The following DNAH11 variants were observed in gnomAD, a reference collection of about 807,000 sequenced individuals.
DNAH11 encodes the protein dynein axonemal heavy chain 11.
Under a neutral mutation model 526.0 loss-of-function variants are expected in DNAH11, and 442 were observed. That is an observed-to-expected ratio of 0.84 (90% confidence interval 0.78 to 0.91). The LOEUF (loss-of-function observed/expected upper bound fraction) is 0.91, where lower values mean the gene tolerates loss of function less well. Among genes scored for constraint, DNAH11 ranks in the 40% least tolerant of loss-of-function variants. The probability of loss-of-function intolerance (pLI) is 0.00; values close to 1 mark genes in which losing one functional copy is unlikely to be tolerated. For synonymous variants in DNAH11, 2,461 were observed against 1,935.9 expected (o/e 1.27, Z -7.12); for missense variants, 6,989 against 5,448.7 (o/e 1.28, Z -8.90).
At chr7:21,594,565 T>A (rs1178089746) in intron 14 of DNAH11, among the ~76,000 whole-genome samples, 1 of 151,790 alleles carries the variant, frequency 6.6e-6, no homozygotes, top group Non-Finnish European at 1.5e-5. Context: ...GAGGATGCAG[T>A]TTTAAGTAGG....
chr7:21,859,036 A>T (rs1471882769), intron 68 of DNAH11, among the ~76,000 whole-genome samples: 1 of 152,278 alleles, frequency 6.6e-6, no homozygotes, highest in South Asian at 2.1e-4. Flanking sequence ...TATGCACAAA[A>T]TTGTTTAAAA....
chr7:21,864,486 G>T (rs756102058), intron 69 of DNAH11, 49 bp from the exon 70 acceptor site: 4 of 1,584,326 alleles, frequency 2.5e-6, no homozygotes, highest in East Asian at 4.6e-5. Flanking sequence ...CCTGTGTGAC[G>T]ATTTTCATGT....
chr7:21,861,858 T>A lies in DNAH11; in HGVS notation c.11208T>A (p.Phe3736Leu). 2 of 1,610,962 alleles carry A rather than the reference T, an allele frequency of 1.2e-6. No homozygotes were observed. Among genetic ancestry groups the A allele is most frequent in the Non-Finnish European group, 1.7e-6 (2 of 1,178,818 alleles). The change falls in exon 69 of 82, where the codon TTT (phenylalanine) becomes TTA (leucine). Residue 3736 changes from phenylalanine (F) to leucine (L), a missense_variant. Physicochemically the swap from Phe to Leu is conservative, Grantham distance 22. Transcript: ENST00000409508. ...GGTCACATTAAATTTCCCAGGCTTTTAACGTGCTGTTCCACAGAGCGATCG... is the reference window on the plus strand; with the variant it reads ...GGTCACATTAAATTTCCCAGGCTTTAAACGTGCTGTTCCACAGAGCGATCG... ...NPLYQFSLKA[F>L]NVLFHRAIEQ...
At chr7:21,680,779 A>AT (rs2128472124) in intron 30 of DNAH11, among the ~76,000 whole-genome samples, 1 of 152,312 alleles carries the variant, frequency 6.6e-6, no homozygotes, top group South Asian at 2.1e-4. Flanking sequence ...AATTTTAAAT[A>AT]TTTTTTCAGT....
Position 21,884,107 on chromosome 7 carries a change from A to G in DNAH11, c.12388-184A>G, listed in dbSNP as rs540413951. Reference sequence around the variant, plus strand: ...GAATTTTCACTGACTATATTAGAAGACACTGAAAATAATTCTCCCAAGAAA... The same window carrying G: ...GAATTTTCACTGACTATATTAGAAGGCACTGAAAATAATTCTCCCAAGAAA... On this transcript the variant is annotated intron_variant, in intron 75 of 81. Transcript: ENST00000409508. 2.6e-5 allele frequency among the ~76,000 whole-genome samples: 4 copies of G among 152,344 alleles called. No homozygotes were observed. In the South Asian group the frequency reaches 8.3e-4, roughly 32 times the overall value.
At chr7:21,628,278 T>G (rs990478216) in intron 25 of DNAH11, among the ~76,000 whole-genome samples, 2 of 152,176 alleles carry the variant, frequency 1.3e-5, no homozygotes, top group African/African-American at 4.8e-5. Flanking sequence ...TGAATGCCTT[T>G]TATTTCTTTC....
chr7:21,678,348 G>T (rs62445274), intron 30 of DNAH11, among the ~76,000 whole-genome samples: 26,691 of 151,624 alleles, frequency 0.18, 2,677 homozygotes, highest in Non-Finnish European at 0.24. Context: ...TGTTTTTGGT[G>T]CCTATGCTGA....
At chr7:21,856,785 TAA>T (rs61539695) in intron 68 of DNAH11, among the ~76,000 whole-genome samples, 4 of 150,936 alleles carry the variant, frequency 2.7e-5, no homozygotes, top group East Asian at 1.9e-4. Flanking sequence ...ACAAATGAGT[TAA>T]AAAAAAAACC....
intron 6 of DNAH11, among the ~76,000 whole-genome samples, chr7:21,569,430 C>T (rs979029928): frequency 3.9e-5 from 6 of 152,084 alleles, no homozygotes; most frequent in African/African-American, 1.4e-4. Context: ...GTCGGTTGAT[C>T]CCATGAGAAT....
At chr7:21,595,881 GAGA>G (rs1784841534) in intron 14 of DNAH11, among the ~76,000 whole-genome samples, 1 of 151,934 alleles carries the variant, frequency 6.6e-6, no homozygotes, top group South Asian at 2.1e-4. Context: ...GGAGACCAGG[GAGA>G]AGAAGGACCA....
rs1455285040 is a variant in DNAH11, at chr7:21,588,584, G to A, written c.1921G>A (p.Val641Ile). Residue 641 changes from valine (V) to isoleucine (I), a missense_variant, in exon 11 of 82, where the codon GTT (valine) becomes ATT (isoleucine). Coordinates refer to ENST00000409508, the MANE Select transcript of DNAH11 (RefSeq NM_001277115.2). ...TSGNMKWAQQ[V>I]LQRLQMFWSN... ...AGGAAATATGAAATGGGCCCAGCAG[G>A]TTCTCCAACGACTTCAAATGTTTTG... 3 of 1,613,674 alleles carry A rather than the reference G, an allele frequency of 1.9e-6. No homozygotes were observed. The highest frequency in any genetic ancestry group is 1.1e-5 in the South Asian group (1 of 91,078).
At chr7:21,634,256 T>C (rs569316959) in intron 25 of DNAH11, among the ~76,000 whole-genome samples, 2 of 152,314 alleles carry the variant, frequency 1.3e-5, no homozygotes, top group African/African-American at 4.8e-5. Flanking sequence ...GGGAGTTCAC[T>C]GTCAGTATCT....
intron 25 of DNAH11, among the ~76,000 whole-genome samples, chr7:21,627,981 A>G (rs1175974562): frequency 6.6e-6 from 1 of 151,694 alleles, no homozygotes; most frequent in Non-Finnish European, 1.5e-5. Context: ...TCATATAGAA[A>G]CTTTCACTTT....
At chr7:21,844,189 G>C (rs548873228) in intron 66 of DNAH11, among the ~76,000 whole-genome samples, 87 of 152,298 alleles carry the variant, frequency 5.7e-4, no homozygotes, top group African/African-American at 2.1e-3. Context: ...GCTGAGGCTG[G>C]ATCACTTGAG....
In DNAH11 at chr7:21,723,579, C is replaced by T. The variant is rs369162958; in HGVS notation, c.7267-2232C>T. 7.2e-5 allele frequency among the ~76,000 whole-genome samples: 11 copies of T among 152,282 alleles called. No homozygotes were observed. The East Asian group carries it at 1.2e-3, about 16-fold the overall frequency. ...AGTCAGGGTGATTTTTTGAAATGCACGTGAAATCCTATGATATACTCCAGA... is the reference window on the plus strand; with the variant it reads ...AGTCAGGGTGATTTTTTGAAATGCATGTGAAATCCTATGATATACTCCAGA... On this transcript the variant is annotated intron_variant, in intron 44 of 81. Transcript: ENST00000409508.
chr7:21,757,730 G>A (rs192021821), intron 54 of DNAH11, among the ~76,000 whole-genome samples: 4 of 152,160 alleles, frequency 2.6e-5, no homozygotes, highest in East Asian at 3.8e-4. Context: ...CTCACACAGC[G>A]TCATGTGCAG....
At chr7:21,837,710 C>G (rs192837982) in intron 65 of DNAH11, among the ~76,000 whole-genome samples, 37 of 152,238 alleles carry the variant, frequency 2.4e-4, no homozygotes, top group African/African-American at 8.4e-4. Flanking sequence ...CATTTGACCA[C>G]TTGAAGTATG....
intron 44 of DNAH11, among the ~76,000 whole-genome samples, chr7:21,724,630 C>T (rs1175287670): frequency 6.7e-6 from 1 of 149,896 alleles, no homozygotes; most frequent in Non-Finnish European, 1.5e-5. Context: ...GCCAGGTCAT[C>T]GTATGAATAT....
chr7:21,725,319 A>G (rs192894463), intron 44 of DNAH11, among the ~76,000 whole-genome samples: 1 of 152,326 alleles, frequency 6.6e-6, no homozygotes, highest in East Asian at 1.9e-4. Context: ...ATGTGTAGGA[A>G]TGGTATAGAG....
Sources: gnomAD v4.1 joint callset for allele counts (sites outside exome capture counted in the v4.1 genomes callset) on GRCh38, gnomAD v4.1.1 for gene constraint, MANE v1.5 for transcripts, NCBI Gene and HGNC (gene_info 2026-07-23, HGNC 2026-07-21) for gene names.